Variants in ADRA1B observed in about 807,000 individuals in gnomAD.
The protein encoded by ADRA1B is alpha-1B adrenergic receptor.
Under a neutral mutation model 17.9 loss-of-function variants are expected in ADRA1B, and 17 were observed. The observed-to-expected ratio is 0.95, with a 90% CI of 0.65 to 1.42. The LOEUF (loss-of-function observed/expected upper bound fraction) is 1.42, where lower values mean the gene tolerates loss of function less well. Among genes scored for constraint, ADRA1B ranks in the 40% most tolerant of loss-of-function variants. The pLI is 0.00. For synonymous variants in ADRA1B, 366 were observed against 327.6 expected (o/e 1.12, Z -1.27); for missense variants, 681 against 722.1 (o/e 0.94, Z 0.65).
intron 1 of ADRA1B, among the ~76,000 whole-genome samples, chr5:159,879,880 C>T (rs1349377631): frequency 6.6e-6 from 1 of 152,074 alleles, no homozygotes; most frequent in Non-Finnish European, 1.5e-5. Context: ...CCTGTAATCC[C>T]ACCTACTCAT....
At chr5:159,920,496 C>T (rs1754449748) in intron 1 of ADRA1B, among the ~76,000 whole-genome samples, 1 of 152,130 alleles carries the variant, frequency 6.6e-6, no homozygotes, top group South Asian at 2.1e-4. Flanking sequence ...TATCTTGTTT[C>T]TCTTCTCCTT....
At chr5:159,883,715 T>C (rs923894046) in intron 1 of ADRA1B, among the ~76,000 whole-genome samples, 1 of 152,212 alleles carries the variant, frequency 6.6e-6, no homozygotes, top group Non-Finnish European at 1.5e-5. Context: ...GACTCCCTGA[T>C]GATGCAAATG....
the ADRA1B span, among the ~76,000 whole-genome samples, chr5:159,981,954 T>C: frequency 2.0e-5 from 3 of 152,172 alleles, no homozygotes; most frequent in Non-Finnish European, 4.4e-5. Context: ...TAATCACCCA[T>C]GCCTTGCATG....
chr5:159,872,308 A>G (rs1343224777), intron 1 of ADRA1B, among the ~76,000 whole-genome samples: 1 of 152,082 alleles, frequency 6.6e-6, no homozygotes, highest in East Asian at 1.9e-4. Context: ...AGGGAGGGAG[A>G]AATGCCCTAA....
rs568485408 is a variant in ADRA1B at position 159,965,397 on chromosome 5, G to T, written c.950-6482G>T. Among the ~76,000 whole-genome samples, 8 of 152,268 alleles carry T rather than the reference G, an allele frequency of 5.3e-5. No individual in the cohort carries two copies. The East Asian group carries it at 1.4e-3, about 26-fold the overall frequency. On this transcript the variant is annotated intron_variant, in intron 1 of 1. Coordinates refer to ENST00000306675, the MANE Select transcript of ADRA1B (RefSeq NM_000679.4). ...TTGTTAAAGAGCCCAGCGCAGCCCT[G>T]ACTTCCAGCACAGAGTGTCCAGGCC...
chr5:159,918,456 C>T (rs746189176), intron 1 of ADRA1B, among the ~76,000 whole-genome samples: 17 of 152,186 alleles, frequency 1.1e-4, no homozygotes, highest in Admixed American at 2.0e-4. Context: ...AGCCACACAG[C>T]CCCAACCAGC....
intron 1 of ADRA1B, chr5:159,888,357 T>G (rs1362507808): frequency 6.6e-6 from 1 of 152,080 alleles, no homozygotes; most frequent in Non-Finnish European, 1.5e-5. Flanking sequence ...TGAACAAATT[T>G]TTGAATAGTG....
intron 1 of ADRA1B, among the ~76,000 whole-genome samples, chr5:159,947,227 G>A (rs1255598376): frequency 6.6e-6 from 1 of 152,108 alleles, no homozygotes; most frequent in African/African-American, 2.4e-5. Context: ...TGTAATCCCA[G>A]CTAGTCCAGA....
chr5:159,939,574 C>G (rs747119012), intron 1 of ADRA1B, among the ~76,000 whole-genome samples: 21 of 152,152 alleles, frequency 1.4e-4, no homozygotes, highest in Non-Finnish European at 2.8e-4. Flanking sequence ...TCAGCCCTGT[C>G]CCTCACTAGC....
At chr5:159,984,611 A>T in the ADRA1B span, among the ~76,000 whole-genome samples, 1 of 152,062 alleles carries the variant, frequency 6.6e-6, no homozygotes, top group Non-Finnish European at 1.5e-5. Flanking sequence ...TTGAAAAGTA[A>T]ATGAGGCCGG....
chr5:159,943,737 T>C (rs1274591732), intron 1 of ADRA1B, among the ~76,000 whole-genome samples: 1 of 152,104 alleles, frequency 6.6e-6, no homozygotes, highest in East Asian at 1.9e-4. Context: ...TTTCCCAATC[T>C]TTTCTTCCTC....
chr5:159,889,446 G>C (rs1430845680), intron 1 of ADRA1B, among the ~76,000 whole-genome samples: 1 of 152,052 alleles, frequency 6.6e-6, no homozygotes, highest in African/African-American at 2.4e-5. Context: ...CTTCCTATTT[G>C]GAGGGAATTC....
intron 1 of ADRA1B, among the ~76,000 whole-genome samples, chr5:159,955,714 T>C (rs1755539754): frequency 6.6e-6 from 1 of 152,066 alleles, no homozygotes; most frequent in African/African-American, 2.4e-5. Context: ...TAATTTCCAT[T>C]CTACCTCTAA....
At chr5:159,965,687 T>C (rs35557782) in intron 1 of ADRA1B, among the ~76,000 whole-genome samples, 8,002 of 151,506 alleles carry the variant, frequency 0.053, 297 homozygotes, top group South Asian at 0.15. Flanking sequence ...AAGGAGGGGG[T>C]CGAAAAATTT....
chr5:159,929,465 T>C (rs1032449683), intron 1 of ADRA1B, among the ~76,000 whole-genome samples: 3 of 151,736 alleles, frequency 2.0e-5, no homozygotes, highest in African/African-American at 7.3e-5. Context: ...TTTTTTTTTT[T>C]TAAAAAGAGG....
intron 1 of ADRA1B, among the ~76,000 whole-genome samples, chr5:159,906,473 C>A (rs1754161779): frequency 6.6e-6 from 1 of 152,218 alleles, no homozygotes; most frequent in African/African-American, 2.4e-5. Context: ...GCAATCAAAT[C>A]ATTGGGTTAC....
chr5:159,875,033 T>C (rs1753788214), intron 1 of ADRA1B, among the ~76,000 whole-genome samples: 1 of 152,168 alleles, frequency 6.6e-6, no homozygotes, highest in African/African-American at 2.4e-5. Flanking sequence ...GGCAATTTCC[T>C]GGGAAATTGC....
In ADRA1B at chr5:159,907,486, T is replaced by G. The variant is rs549613473; in HGVS notation, c.-255-8633T>G. Among the ~76,000 whole-genome samples the G allele has an allele frequency of 2.6e-4, 37 of 141,768 alleles. No homozygotes were observed. In the South Asian group the frequency reaches 3.4e-3, roughly 13 times the overall value. The allele number at this position is 141,768 out of a possible 152,430, so 93.0% of individuals were successfully genotyped here. A position where few individuals can be genotyped will look rare whatever the true frequency, so the allele number is the denominator to read the frequency against. The stretch of plus-strand genomic sequence containing the variant: ...TTGTTCTTTTACCAGCCGCTGTTTG[T>G]TCAGGGCAATTTATGTCAGAAAAAA... On this transcript the variant is annotated intron_variant, in intron 1 of 2. Transcript: ENST00000641205.
chr5:159,974,290 C>A (rs1464150960), downstream of ADRA1B, among the ~76,000 whole-genome samples: 3 of 152,100 alleles, frequency 2.0e-5, no homozygotes, highest in Non-Finnish European at 2.9e-5. Context: ...AACTTGATAT[C>A]CCCAAAAGGA....
Sources: allele counts gnomAD v4.1 joint callset (sites outside exome capture counted in the v4.1 genomes callset), GRCh38; gene constraint gnomAD v4.1.1; transcripts MANE v1.5; gene names NCBI Gene and HGNC (gene_info 2026-07-23, HGNC 2026-07-21).